STAT4: variants seen among roughly 807,000 people sequenced by gnomAD.
STAT4 encodes the protein signal transducer and activator of transcription 4.
STAT4 carries 42 observed loss-of-function variants against 110.5 expected under a neutral mutation model. That is an observed-to-expected ratio of 0.38 (90% CI 0.30 to 0.49). STAT4 has a LOEUF of 0.49. Among genes scored for constraint, STAT4 ranks in the 20% least tolerant of loss-of-function variants. STAT4 has a pLI of 0.95. For synonymous variants in STAT4, 284 were observed against 302.2 expected, an observed-to-expected ratio of 0.94 and a Z score of 0.63; for missense variants, 632 against 887.9, an observed-to-expected ratio of 0.71 and a Z score of 3.66.
At chr2:191,148,041 G>A in intron 2 of STAT4, 35 bp downstream of exon 2, 1 of 1,612,144 alleles carries the variant, frequency 6.2e-7, no homozygotes, top group East Asian at 2.2e-5. Context: ...AGACATTTGT[G>A]CATCAACTTC....
At chr2:191,130,830 T>C (rs1574187066) in intron 3 of STAT4, among the ~76,000 whole-genome samples, 1 of 151,816 alleles carries the variant, frequency 6.6e-6, no homozygotes, top group South Asian at 2.1e-4. Flanking sequence ...TTAATTTATC[T>C]AGCCAGAAAT....
intron 1 of STAT4, among the ~76,000 whole-genome samples, chr2:191,149,069 T>C (rs1447231746): frequency 6.6e-6 from 1 of 152,186 alleles, no homozygotes; most frequent in Non-Finnish European, 1.5e-5. Context: ...CTCAGGAAAA[T>C]TAGTATGACG....
At chr2:191,069,031 A>C (rs1231576010) in intron 6 of STAT4, among the ~76,000 whole-genome samples, 1 of 152,128 alleles carries the variant, frequency 6.6e-6, no homozygotes, top group Non-Finnish European at 1.5e-5. Flanking sequence ...AGACTTTTTG[A>C]CATGAGGAAA....
intron 13 of STAT4, among the ~76,000 whole-genome samples, chr2:191,054,901 C>G (rs908311142): frequency 6.6e-6 from 1 of 152,070 alleles, no homozygotes; most frequent in Admixed American, 6.6e-5. Context: ...CCTGAGAAAC[C>G]AAGTCTAACG....
chr2:191,102,029 C>G (rs990782831), intron 3 of STAT4, among the ~76,000 whole-genome samples: 10 of 141,754 alleles, frequency 7.1e-5, no homozygotes, highest in Admixed American at 1.4e-4. Context: ...TTTTTGAACT[C>G]CTCTAATACC....
At chr2:191,078,011 A>G (rs565327981) in intron 3 of STAT4, among the ~76,000 whole-genome samples, 9 of 151,948 alleles carry the variant, frequency 5.9e-5, no homozygotes, top group Non-Finnish European at 1.2e-4. Context: ...TTTCCCATGT[A>G]TTATTTTTTT....
At chr2:191,055,555 G>A (rs1201873065) in intron 13 of STAT4, among the ~76,000 whole-genome samples, 1 of 151,540 alleles carries the variant, frequency 6.6e-6, no homozygotes, top group African/African-American at 2.4e-5. Flanking sequence ...GGATTTCACC[G>A]TGTTAGCCAG....
intron 3 of STAT4, among the ~76,000 whole-genome samples, chr2:191,121,688 G>C (rs1242114036): frequency 6.7e-6 from 1 of 148,672 alleles, no homozygotes; most frequent in East Asian, 2.0e-4. Flanking sequence ...ACCAAACACC[G>C]CATGTTCTCA....
chr2:191,141,664 T>C (rs1699339982), intron 3 of STAT4, among the ~76,000 whole-genome samples: 1 of 151,024 alleles, frequency 6.6e-6, no homozygotes, highest in South Asian at 2.1e-4. Context: ...AGAGTCTTGC[T>C]GTGTTGTCCA....
intron 14 of STAT4, 113 bp downstream of exon 14, chr2:191,054,377 A>G: frequency 1.1e-6 from 1 of 893,124 alleles, no homozygotes; most frequent in South Asian, 1.8e-5. Context: ...ATCTATAATG[A>G]GAAAAACATG....
chr2:191,096,608 T>A (rs528181157), intron 3 of STAT4, among the ~76,000 whole-genome samples: 12 of 152,298 alleles, frequency 7.9e-5, no homozygotes, highest in African/African-American at 2.6e-4. Context: ...TAGGTATTGA[T>A]GGAATGTATC....
At position 191,110,150 on chromosome 2, in the gene STAT4, A is replaced by G. The variant is rs148779655; in HGVS notation, c.274-33825T>C. On this transcript the variant is annotated intron_variant, in intron 3 of 23. Coordinates refer to ENST00000392320, the MANE Select transcript of STAT4 (RefSeq NM_003151.4). This position sits in a 1 kb window ranked among gnomAD's most constrained non-coding sequence, Gnocchi z 4.5. Reference sequence around the variant, plus strand: ...TGAGGAAACACTACTTCATGTCCCTATGGAAACATGACCACAAAACCATTC... The same window carrying G: ...TGAGGAAACACTACTTCATGTCCCTGTGGAAACATGACCACAAAACCATTC... 7.9e-5 allele frequency among the ~76,000 whole-genome samples: 12 copies of G among 152,270 alleles called. No homozygotes were observed. The highest frequency in any genetic ancestry group is 1.9e-4 in the East Asian group (1 of 5,174).
At chr2:191,151,361 C>T (rs762191212), upstream of STAT4, 121 of 985,624 alleles carry the variant, frequency 1.2e-4, no homozygotes, top group Middle Eastern at 1.5e-3. The surrounding 1 kb of genome is among the most constrained non-coding windows in gnomAD (Gnocchi z 4.7). Context: ...AGCTTCCTCT[C>T]TCCCTAGTAT....
chr2:191,052,511 C>T (rs1178618375), intron 14 of STAT4, among the ~76,000 whole-genome samples: 3 of 152,116 alleles, frequency 2.0e-5, no homozygotes, highest in Admixed American at 1.3e-4. Context: ...GTTAATAACA[C>T]AGTGGTTGGT....
chr2:191,076,068 G>A, intron 4 of STAT4, 159 bp downstream of exon 4: 1 of 594,204 alleles, frequency 1.7e-6, no homozygotes, highest in Non-Finnish European at 3.0e-6. Flanking sequence ...TGGCCAGACT[G>A]GTCTCAAACT....
chr2:191,080,262 T>A (rs1256919759), intron 3 of STAT4, among the ~76,000 whole-genome samples: 1 of 152,146 alleles, frequency 6.6e-6, no homozygotes, highest in African/African-American at 2.4e-5. Flanking sequence ...AACATAGATA[T>A]ATATATTTAC....
rs143655663 is a variant in STAT4, at chr2:191,079,953, G to A, written c.274-3628C>T. Among the ~76,000 whole-genome samples the A allele has an allele frequency of 1.9e-3, 284 of 152,088 alleles. 3 individuals are homozygous for A. Among genetic ancestry groups the A allele is most frequent in the African/African-American group, 6.0e-3 (250 of 41,520 alleles). The stretch of plus-strand genomic sequence containing the variant: ...CATACAGGTTTATTAAACCATGTTT[G>A]TTAATTGTTTTGTTCAAATTTCTGC... On this transcript the variant is annotated intron_variant, in intron 3 of 23. Coordinates refer to ENST00000392320, the MANE Select transcript of STAT4 (RefSeq NM_003151.4).
chr2:191,083,118 G>A lies in STAT4; in HGVS notation c.274-6793C>T, dbSNP rs1416566238. ...CTGAGGAAACACATAACCAACAACTGTCCTAGCTTGGGTTTCTTCAGAAAC... is the reference window on the plus strand; with the variant it reads ...CTGAGGAAACACATAACCAACAACTATCCTAGCTTGGGTTTCTTCAGAAAC... On this transcript the variant is annotated intron_variant, in intron 3 of 23. Transcript: ENST00000392320. The surrounding 1 kb of genome is among the most constrained non-coding windows in gnomAD (Gnocchi z 4.6). 1.3e-5 allele frequency among the ~76,000 whole-genome samples: 2 copies of A among 152,152 alleles called. No homozygotes were observed. Among genetic ancestry groups the A allele is most frequent in the African/African-American group, 4.8e-5 (2 of 41,434 alleles).
chr2:191,067,271 C>A (rs1293297817), intron 6 of STAT4, among the ~76,000 whole-genome samples: 1 of 151,964 alleles, frequency 6.6e-6, no homozygotes, highest in African/African-American at 2.4e-5. Context: ...AATAATGGAA[C>A]TAAAGCAGCA....
Sources: allele counts gnomAD v4.1 joint callset (sites outside exome capture counted in the v4.1 genomes callset), GRCh38; gene constraint gnomAD v4.1.1; non-coding constraint Gnocchi (gnomAD v3.1); transcripts MANE v1.5; gene names NCBI Gene and HGNC (gene_info 2026-07-23, HGNC 2026-07-21).